The following PRTG variants were observed in gnomAD, a reference collection of about 807,000 sequenced individuals.
The protein encoded by PRTG is immunoglobulin superfamily, DCC subclass, member 5.
A neutral mutation model predicts 122.5 loss-of-function variants in PRTG; 67 were observed. The ratio of observed to expected loss-of-function variants is 0.55; its 90% CI spans 0.45 to 0.67. PRTG has a LOEUF of 0.67. Ranked by LOEUF, PRTG falls within the 30% of genes least tolerant of loss-of-function variation. The pLI is 0.00. For missense variants in PRTG, 1,435 were observed against 1,415.4 expected, an observed-to-expected ratio of 1.01 and a Z score of -0.22; for synonymous variants, 554 against 501.1, an observed-to-expected ratio of 1.11 and a Z score of -1.41.
chr15:55,672,133 C>T (rs574065320), intron 11 of PRTG, among the ~76,000 whole-genome samples: 9 of 152,194 alleles, frequency 5.9e-5, no homozygotes, highest in African/African-American at 1.4e-4. Context: ...TATTCTACAT[C>T]CGCCACACAC....
chr15:55,631,513 C>G (rs1351137163), intron 15 of PRTG, among the ~76,000 whole-genome samples: 1 of 152,198 alleles, frequency 6.6e-6, no homozygotes, highest in East Asian at 1.9e-4. Context: ...CATTCTGGTT[C>G]CCCTATGAGG....
intron 11 of PRTG, among the ~76,000 whole-genome samples, chr15:55,649,835 A>G (rs2059344193): frequency 6.6e-6 from 1 of 151,348 alleles, no homozygotes; most frequent in Non-Finnish European, 1.5e-5. Context: ...ATAAATAGTA[A>G]TAATATAATT....
intron 9 of PRTG, among the ~76,000 whole-genome samples, chr15:55,674,716 G>C (rs1595639482): frequency 6.6e-6 from 1 of 152,132 alleles, no homozygotes; most frequent in Non-Finnish European, 1.5e-5. Context: ...GAGATTTGGA[G>C]ATTATATAAA....
chr15:55,690,588 T>C (rs190964817), intron 2 of PRTG, among the ~76,000 whole-genome samples: 29 of 152,278 alleles, frequency 1.9e-4, no homozygotes, highest in African/African-American at 6.3e-4. Flanking sequence ...GAAATACTCA[T>C]TGGAACATTT....
At chr15:55,665,503 TTTTG>T (rs1311867158) in intron 11 of PRTG, among the ~76,000 whole-genome samples, 2 of 125,264 alleles carry the variant, frequency 1.6e-5, no homozygotes, top group Non-Finnish European at 4.0e-5. Flanking sequence ...AAAAGGTTTT[TTTTG>T]TTTTTTTTTT....
intron 2 of PRTG, among the ~76,000 whole-genome samples, chr15:55,729,631 A>C (rs2031161100): frequency 1.3e-5 from 2 of 152,082 alleles, no homozygotes; most frequent in African/African-American, 4.8e-5. Context: ...ATATATATGT[A>C]TATCTAAAAG....
chr15:55,718,541 C>T lies in PRTG; in HGVS notation c.397+21841G>A, dbSNP rs186531798. Among the ~76,000 whole-genome samples, 779 of 151,916 alleles carry T rather than the reference C, an allele frequency of 5.1e-3. 4 individuals carry two copies. The highest frequency in any genetic ancestry group is 0.01 in the Middle Eastern group (3 of 294). Reference sequence around the variant, plus strand: ...ACCCAAATCTTATAAAACGGCCCCACCCCTATCTCCCTTCGCTGACTCTTT... The same window carrying T: ...ACCCAAATCTTATAAAACGGCCCCATCCCTATCTCCCTTCGCTGACTCTTT... On this transcript the variant is annotated intron_variant, in intron 2 of 19. Transcript: ENST00000389286.
At chr15:55,730,289 A>T (rs1347583898) in intron 2 of PRTG, among the ~76,000 whole-genome samples, 1 of 151,982 alleles carries the variant, frequency 6.6e-6, no homozygotes, top group African/African-American at 2.4e-5. Context: ...TTTAGTAGAG[A>T]CAGGGTTTCA....
intron 2 of PRTG, among the ~76,000 whole-genome samples, chr15:55,706,772 A>C (rs2030142643): frequency 6.6e-6 from 1 of 152,048 alleles, no homozygotes; most frequent in African/African-American, 2.4e-5. Flanking sequence ...GTCTCTTAAA[A>C]AAGAGAGAGA....
intron 2 of PRTG, among the ~76,000 whole-genome samples, chr15:55,685,617 C>T (rs1313988451): frequency 1.3e-5 from 2 of 152,094 alleles, no homozygotes; most frequent in Non-Finnish European, 2.9e-5. Flanking sequence ...AAATGTAAAG[C>T]AATTCTGCTC....
chr15:55,620,474 CTGA>C (rs893345981), intron 19 of PRTG, among the ~76,000 whole-genome samples, 186 bp downstream of exon 19: 1 of 152,324 alleles, frequency 6.6e-6, no homozygotes, highest in African/African-American at 2.4e-5. Context: ...AACCACAGCT[CTGA>C]TGACTATTCC....
intron 7 of PRTG, among the ~76,000 whole-genome samples, chr15:55,678,573 T>C (rs979438876): frequency 1.3e-5 from 2 of 152,174 alleles, no homozygotes; most frequent in African/African-American, 4.8e-5. Flanking sequence ...TAATAAAAGT[T>C]ACTGAAAACA....
rs1338314048 is a variant in PRTG, at chr15:55,682,458, A to G, written c.582T>C (p.Asp194=). The G allele has an allele frequency of 4.4e-6, 7 of 1,597,310 alleles. No individual in the cohort carries two copies. In the Admixed American group the frequency reaches 1.2e-4, roughly 27 times the overall value. ...AATTTCCAGAATCCCTTTGGCTGAC[A>G]TCATAGATCTGCAATACTCCTGTTG... ...ALPTGVLQIY[D]VSQRDSGNYR... The change falls in exon 4 of 20, where the codon GAT becomes GAC. Residue 194 remains aspartate, a synonymous_variant. Coordinates refer to ENST00000389286, the MANE Select transcript of PRTG (RefSeq NM_173814.6).
chr15:55,676,115 A>G (rs185839152), intron 8 of PRTG, among the ~76,000 whole-genome samples: 7 of 152,260 alleles, frequency 4.6e-5, no homozygotes, highest in Non-Finnish European at 8.8e-5. Flanking sequence ...CTTTAGAAAA[A>G]CAAACCAAAC....
intron 2 of PRTG, among the ~76,000 whole-genome samples, chr15:55,710,314 T>C (rs1272462826): frequency 6.6e-6 from 1 of 152,230 alleles, no homozygotes; most frequent in Non-Finnish European, 1.5e-5. Flanking sequence ...CATTTTTACA[T>C]AAATCTACTT....
At chr15:55,625,563 C>T (rs1659301) in intron 17 of PRTG, among the ~76,000 whole-genome samples, 147,627 of 151,792 alleles carry the variant, frequency 0.97, 71,919 homozygotes, top group East Asian at 1. Context: ...ATGATCTTCC[C>T]ACCTGAACCT....
At chr15:55,698,137 CCATT>C (rs2059641906) in intron 2 of PRTG, among the ~76,000 whole-genome samples, 1 of 152,152 alleles carries the variant, frequency 6.6e-6, no homozygotes, top group African/African-American at 2.4e-5. Flanking sequence ...TTTATTATTC[CCATT>C]CTTTTGCATC....
intron 11 of PRTG, among the ~76,000 whole-genome samples, chr15:55,650,075 G>A (rs1327256583): frequency 1.3e-5 from 2 of 152,160 alleles, no homozygotes; most frequent in African/African-American, 4.8e-5. Context: ...GAGAAAGCTG[G>A]TTTGGGAATT....
At chr15:55,638,246 T>C (rs1247555598) in intron 14 of PRTG, among the ~76,000 whole-genome samples, 1 of 152,208 alleles carries the variant, frequency 6.6e-6, no homozygotes, top group Non-Finnish European at 1.5e-5. Flanking sequence ...ATTATTCACT[T>C]ACCGCCATTT....
Sources: gnomAD v4.1 joint callset for allele counts (sites outside exome capture counted in the v4.1 genomes callset) on GRCh38, gnomAD v4.1.1 for gene constraint, MANE v1.5 for transcripts, NCBI Gene and HGNC (gene_info 2026-07-23, HGNC 2026-07-21) for gene names.